Variants in CC2D2B observed in about 807,000 individuals in gnomAD.
CC2D2B encodes protein CC2D2B.
A neutral mutation model predicts 161.2 loss-of-function variants in CC2D2B; 128 were observed. The ratio of observed to expected loss-of-function variants is 0.79; its 90% CI spans 0.69 to 0.92. CC2D2B has a LOEUF of 0.92. Among genes scored for constraint, CC2D2B ranks in the 40% least tolerant of loss-of-function variants. The pLI, the probability that CC2D2B is intolerant of heterozygous loss-of-function variation, is 0.00. For missense variants in CC2D2B, 1,173 were observed against 1,375.1 expected, an observed-to-expected ratio of 0.85 and a Z score of 2.32; for synonymous variants, 391 against 449.8, an observed-to-expected ratio of 0.87 and a Z score of 1.65.
intron 6 of CC2D2B, among the ~76,000 whole-genome samples, chr10:95,931,571 G>A (rs11527888): frequency 0.12 from 18,631 of 151,998 alleles, 1,941 homozygotes; most frequent in African/African-American, 0.27. Flanking sequence ...CAGAGATTCC[G>A]GTACATTGTG....
At chr10:96,025,192 A>AAAAAATAT (rs1284499689) in intron 33 of CC2D2B, among the ~76,000 whole-genome samples, 1 of 49,204 alleles carries the variant, frequency 2.0e-5, no homozygotes, top group South Asian at 7.6e-4. Context: ...TATAAAAAAA[A>AAAAAATAT]ATATATATAT....
At chr10:95,916,199 AG>A (rs552408237) in intron 2 of CC2D2B, among the ~76,000 whole-genome samples, 49 of 152,198 alleles carry the variant, frequency 3.2e-4, no homozygotes, top group Admixed American at 8.5e-4. Context: ...AATTTCTCAT[AG>A]TAGCCTCTAA....
chr10:96,031,170 C>T (rs890210460), intron 34 of CC2D2B, among the ~76,000 whole-genome samples: 10 of 152,160 alleles, frequency 6.6e-5, no homozygotes, highest in African/African-American at 2.4e-4. Context: ...TGTACATCTG[C>T]AGAGATTATG....
chr10:95,972,660 T>G (rs761333928), intron 16 of CC2D2B, among the ~76,000 whole-genome samples: 1 of 152,242 alleles, frequency 6.6e-6, no homozygotes, highest in Non-Finnish European at 1.5e-5. Context: ...ATTCAGATGT[T>G]AAACTAGATT....
intron 24 of CC2D2B, among the ~76,000 whole-genome samples, chr10:95,997,810 G>A (rs1320021472): frequency 6.6e-6 from 1 of 152,176 alleles, no homozygotes; most frequent in Non-Finnish European, 1.5e-5. Flanking sequence ...CTAGTCAGGT[G>A]ACACTTTGAG....
At chr10:95,962,763 GTTTTT>G (rs35198734) in intron 12 of CC2D2B, among the ~76,000 whole-genome samples, 1 of 130,816 alleles carries the variant, frequency 7.6e-6, no homozygotes, top group Non-Finnish European at 1.6e-5. Context: ...TGCTGCAGTA[GTTTTT>G]TTTTTTTTTT....
At chr10:95,942,318 C>G (rs2076050817) in intron 9 of CC2D2B, among the ~76,000 whole-genome samples, 1 of 149,426 alleles carries the variant, frequency 6.7e-6, no homozygotes, top group South Asian at 2.1e-4. Context: ...GTATTTTTTA[C>G]CATAAAAAAT....
intron 24 of CC2D2B, among the ~76,000 whole-genome samples, chr10:95,996,837 T>A (rs542993861): frequency 1.3e-5 from 2 of 152,310 alleles, no homozygotes; most frequent in Admixed American, 6.5e-5. Context: ...TAACTCCCAA[T>A]GCTGGGAAGT....
chr10:95,981,306 C>T (rs1459035855), intron 17 of CC2D2B, among the ~76,000 whole-genome samples: 2 of 148,970 alleles, frequency 1.3e-5, no homozygotes, highest in African/African-American at 2.5e-5. Flanking sequence ...GCATGAGAAT[C>T]GCTTTGAACC....
chr10:96,025,959 A>T (rs1377563232), intron 33 of CC2D2B, among the ~76,000 whole-genome samples: 1 of 152,234 alleles, frequency 6.6e-6, no homozygotes, highest in African/African-American at 2.4e-5. Flanking sequence ...CTTAACAAAA[A>T]AGGAAGAAAT....
intron 30 of CC2D2B, chr10:96,018,578 A>G (rs1425789719): frequency 1.3e-5 from 2 of 152,238 alleles, no homozygotes; most frequent in East Asian, 1.9e-4. Flanking sequence ...AACCCTTGTA[A>G]TGCACTGATT....
intron 6 of CC2D2B, among the ~76,000 whole-genome samples, chr10:95,933,819 C>G (rs996750069): frequency 6.6e-6 from 1 of 152,164 alleles, no homozygotes; most frequent in Non-Finnish European, 1.5e-5. Context: ...GTCTGTCGAC[C>G]TGTGCTGGGA....
chr10:95,928,732 T>A (rs2141210220), intron 6 of CC2D2B, among the ~76,000 whole-genome samples: 1 of 113,570 alleles, frequency 8.8e-6, no homozygotes, highest in East Asian at 2.0e-4. Context: ...GCAAAGGACA[T>A]GAACTCATCC....
At chr10:96,022,176 C>T (rs1246303843) in intron 32 of CC2D2B, among the ~76,000 whole-genome samples, 3 of 152,068 alleles carry the variant, frequency 2.0e-5, no homozygotes, top group Non-Finnish European at 4.4e-5. Context: ...AAAAATTTAG[C>T]TGAATGTGGT....
chr10:96,027,670 T>G (rs925674611), intron 34 of CC2D2B, among the ~76,000 whole-genome samples: 6 of 152,082 alleles, frequency 3.9e-5, no homozygotes, highest in Non-Finnish European at 7.4e-5. Context: ...CACAAAAGAC[T>G]CAGAATAGTC....
At chr10:96,029,403 T>C (rs921472681) in intron 34 of CC2D2B, among the ~76,000 whole-genome samples, 1 of 151,280 alleles carries the variant, frequency 6.6e-6, no homozygotes, top group Admixed American at 6.6e-5. Context: ...TGAAGAATTA[T>C]TACTAGGACC....
At chr10:95,970,006 C>T (rs1385360300) in intron 15 of CC2D2B, among the ~76,000 whole-genome samples, 1 of 151,790 alleles carries the variant, frequency 6.6e-6, no homozygotes, top group African/African-American at 2.4e-5. Context: ...TATGCCCTAG[C>T]CTAACAGACT....
chr10:96,011,845 T>C (rs532999007), intron 26 of CC2D2B, among the ~76,000 whole-genome samples: 3 of 152,256 alleles, frequency 2.0e-5, no homozygotes, highest in African/African-American at 7.2e-5. Context: ...CTGGACCCAA[T>C]ACAAAATGTA....
chr10:95,955,678 A>C (rs895312161), intron 11 of CC2D2B, among the ~76,000 whole-genome samples, 187 bp downstream of exon 11: 1 of 152,188 alleles, frequency 6.6e-6, no homozygotes, highest in African/African-American at 2.4e-5. Flanking sequence ...TGCCATGTGA[A>C]AATAGTTCTA....
Sources: gnomAD v4.1 joint callset for allele counts (sites outside exome capture counted in the v4.1 genomes callset) on GRCh38, gnomAD v4.1.1 for gene constraint, MANE v1.5 for transcripts, NCBI Gene and HGNC (gene_info 2026-07-23, HGNC 2026-07-21) for gene names.